The following ALPK1 variants were observed in gnomAD, a reference collection of about 807,000 sequenced individuals.
ALPK1 encodes the protein alpha-protein kinase 1.
ALPK1 carries 110 observed loss-of-function variants against 120.6 expected under a neutral mutation model. The ratio of observed to expected loss-of-function variants is 0.91; its 90% CI spans 0.78 to 1.07. The LOEUF is 1.07. Among genes scored for constraint, ALPK1 ranks in the 50% least tolerant of loss-of-function variants. The pLI is 0.00. For missense variants in ALPK1, 1,498 were observed against 1,483.9 expected (o/e 1.01, Z -0.16); for synonymous variants, 582 against 560.3 (o/e 1.04, Z -0.55).
At chr4:112,359,326 T>C in intron 2 of ALPK1, 1 of 412,420 alleles carries the variant, frequency 2.4e-6, no homozygotes, top group Non-Finnish European at 4.6e-6. Context: ...AGCCAGCTCT[T>C]GGCAGTGCTG....
chr4:112,381,064 C>A (rs1017877297), intron 3 of ALPK1, among the ~76,000 whole-genome samples: 3 of 152,178 alleles, frequency 2.0e-5, no homozygotes, highest in African/African-American at 7.2e-5. Context: ...TGCCAAACCA[C>A]TGAAGATTTT....
At chr4:112,382,697 G>C in intron 4 of ALPK1, 145 bp downstream of exon 4, 2 of 1,152,408 alleles carry the variant, frequency 1.7e-6, no homozygotes, top group Non-Finnish European at 2.5e-6. Flanking sequence ...TAATGTGAGG[G>C]AAATAGCTGT....
At position 112,382,412 on chromosome 4, in the gene ALPK1, G is replaced by A. The variant is rs776572834; in HGVS notation, c.136G>A (p.Glu46Lys). 2.2e-5 allele frequency: 36 copies of A among 1,610,790 alleles called. No homozygotes were observed. Among genetic ancestry groups the A allele is most frequent in the Admixed American group, 3.4e-5 (2 of 59,664 alleles). Residue 46 changes from glutamate to lysine, a missense_variant, in exon 4 of 16, where the codon GAG becomes AAG. Glu to Lys is a moderately conservative substitution (Grantham distance 56, BLOSUM62 1). Coordinates refer to ENST00000650871, the MANE Select transcript of ALPK1 (RefSeq NM_025144.4). Reference protein sequence around the residue: ...DQRCRALLPSELRTLIQEAKE... With the variant: ...DQRCRALLPSKLRTLIQEAKE... Reference sequence around the variant, plus strand: ...GACCTTTTCAGCTTTACTCCCCAGCGAGTTAAGGACCCTGATCCAGGAGGC... The same window carrying A: ...GACCTTTTCAGCTTTACTCCCCAGCAAGTTAAGGACCCTGATCCAGGAGGC...
chr4:112,410,598 GC>G (rs1435872455), intron 4 of ALPK1, among the ~76,000 whole-genome samples: 1 of 152,150 alleles, frequency 6.6e-6, no homozygotes, highest in Non-Finnish European at 1.5e-5. Flanking sequence ...GAATAAACAT[GC>G]CCAGAAAGCA....
chr4:112,354,525 T>C (rs566783440), intron 2 of ALPK1, among the ~76,000 whole-genome samples: 1 of 152,350 alleles, frequency 6.6e-6, no homozygotes, highest in Non-Finnish European at 1.5e-5. Context: ...TGGAGTGTAA[T>C]GGCATAATCT....
At chr4:112,424,888 G>A (rs745540844) in intron 6 of ALPK1, among the ~76,000 whole-genome samples, 1 of 152,134 alleles carries the variant, frequency 6.6e-6, no homozygotes, top group Non-Finnish European at 1.5e-5. Flanking sequence ...TTTGATGTTT[G>A]ACCGACCACT....
intron 3 of ALPK1, among the ~76,000 whole-genome samples, chr4:112,379,612 C>T (rs1731817234): frequency 6.6e-6 from 1 of 152,220 alleles, no homozygotes. Context: ...ATGTCGTCAC[C>T]GCATGTGCTC....
At chr4:112,429,633 A>G (rs1407403539) in intron 10 of ALPK1, among the ~76,000 whole-genome samples, 1 of 152,160 alleles carries the variant, frequency 6.6e-6, no homozygotes, top group Non-Finnish European at 1.5e-5. Flanking sequence ...CAAAATTTCA[A>G]GACTAGCCTG....
At chr4:112,383,890 C>G (rs1484474586) in intron 4 of ALPK1, 1 of 152,174 alleles carries the variant, frequency 6.6e-6, no homozygotes, top group East Asian at 1.9e-4. Flanking sequence ...AAGCTCAGAA[C>G]CCTTACATTA....
chr4:112,299,301 A>C (rs1439754981), intron 1 of ALPK1, among the ~76,000 whole-genome samples: 4 of 152,202 alleles, frequency 2.6e-5, no homozygotes, highest in South Asian at 2.1e-4. Context: ...TATCAGATAC[A>C]TACAAATACA....
In ALPK1 at chr4:112,432,581, A is replaced by G; in HGVS notation, c.3034A>G (p.Ser1012Gly). Residue 1012 changes from serine (S) to glycine (G), a missense_variant and splice_region_variant, in exon 11 of 16, where the codon AGT (serine) becomes GGT (glycine). Ser to Gly is a moderately conservative substitution (Grantham distance 56). Coordinates refer to ENST00000650871, the MANE Select transcript of ALPK1 (RefSeq NM_025144.4). ...FKPSQLHRAH[S>G]ALLLKYSKKS... ...GCCCAGTCAACTCCACCGAGCACAT[A>G]GTAAGTACAATCTTTTCAATAGTTC... The G allele has an allele frequency of 6.2e-7, 1 of 1,609,570 alleles. No individual in the cohort carries two copies. Among genetic ancestry groups the G allele is most frequent in the Non-Finnish European group, 8.5e-7 (1 of 1,179,220 alleles).
chr4:112,354,076 C>T (rs1039534734), intron 2 of ALPK1, among the ~76,000 whole-genome samples: 5 of 152,130 alleles, frequency 3.3e-5, no homozygotes, highest in African/African-American at 1.2e-4. Context: ...CATTGATTTA[C>T]AGAAATTCTT....
chr4:112,357,386 G>T, intron 2 of ALPK1: 1 of 695,870 alleles, frequency 1.4e-6, no homozygotes, highest in Non-Finnish European at 2.5e-6. Flanking sequence ...GGCCTATAAA[G>T]TGCACATCCA....
intron 2 of ALPK1, chr4:112,359,217 C>A: frequency 1.7e-6 from 1 of 584,808 alleles, no homozygotes; most frequent in Non-Finnish European, 3.1e-6. Context: ...CAGCCACCCA[C>A]AGTGGGGGTC....
rs554073741 is a variant in ALPK1, at chr4:112,368,091, T to G, written c.-100-9587T>G. On this transcript the variant is annotated intron_variant, in intron 2 of 15. Coordinates refer to ENST00000650871, the MANE Select transcript of ALPK1 (RefSeq NM_025144.4). ...CACCACCACGCCTGGCTAATTTTTGTATTTTTAGTAGAGACAGGGTCTTGC... is the reference window on the plus strand; with the variant it reads ...CACCACCACGCCTGGCTAATTTTTGGATTTTTAGTAGAGACAGGGTCTTGC... Among the ~76,000 whole-genome samples the G allele has an allele frequency of 5.3e-4, 81 of 152,262 alleles. No homozygotes were observed. In the South Asian group the frequency reaches 6.8e-3, roughly 13 times the overall value.
rs539985759 is a variant in ALPK1, at chr4:112,401,151, G to A, written c.277-10676G>A. ...CCAGGTGACTCTAATGTGAGGCCAA[G>A]GTTTTTCTCTAACAGTAAGCATAGT... On this transcript the variant is annotated intron_variant, in intron 4 of 15. Transcript: ENST00000650871. 3.3e-5 allele frequency among the ~76,000 whole-genome samples: 5 copies of A among 152,312 alleles called. No individual in the cohort carries two copies. The South Asian group carries it at 1.0e-3, about 32-fold the overall frequency.
intron 4 of ALPK1, among the ~76,000 whole-genome samples, chr4:112,409,830 G>T (rs972810468): frequency 7.2e-5 from 11 of 152,098 alleles, no homozygotes; most frequent in African/African-American, 2.4e-4. Flanking sequence ...AGGAAACATC[G>T]AGAGGAGAGA....
In ALPK1 at chr4:112,423,685, A is replaced by G. The variant is rs779423079; in HGVS notation, c.476-259A>G. The G allele has an allele frequency of 1.8e-5, 11 of 598,604 alleles. 1 individual carries two copies. The highest frequency in any genetic ancestry group is 1.7e-4 in the South Asian group (11 of 65,770). 37.1% of individuals were successfully genotyped at this position (598,604 alleles called of 1,614,324 possible). On this transcript the variant is annotated intron_variant, in intron 5 of 15. Transcript: ENST00000650871. ...TACTCCTCAAACCCTGCTCTATGTG[A>G]ATGAATTATCACATACATATGAATC...
intron 4 of ALPK1, chr4:112,410,809 G>A (rs1482274404): frequency 1.3e-5 from 2 of 152,042 alleles, no homozygotes; most frequent in African/African-American, 4.8e-5. Flanking sequence ...ATTTCATGCC[G>A]GTTTTCTTCT....
Sources: allele counts gnomAD v4.1 joint callset (sites outside exome capture counted in the v4.1 genomes callset), GRCh38; gene constraint gnomAD v4.1.1; transcripts MANE v1.5; gene names NCBI Gene and HGNC (gene_info 2026-07-23, HGNC 2026-07-21).